The following ARID1B variants were observed in gnomAD, a reference collection of about 807,000 sequenced individuals.
ARID1B encodes the protein AT-rich interactive domain-containing protein 1B.
In ARID1B, 30 loss-of-function variants were observed where a neutral mutation model predicts 212.3. That is an observed-to-expected ratio of 0.14 (90% CI 0.11 to 0.19). ARID1B has a LOEUF of 0.19. Among genes scored for constraint, ARID1B ranks in the 10% least tolerant of loss-of-function variants. The pLI is 1.00. For synonymous variants in ARID1B, 1,402 were observed against 1,301.7 expected, an observed-to-expected ratio of 1.08 and a Z score of -1.66; for missense variants, 2,891 against 3,204.0, an observed-to-expected ratio of 0.90 and a Z score of 2.36.
chr6:156,830,323 A>G (rs1783057470), intron 2 of ARID1B, among the ~76,000 whole-genome samples: 2 of 152,146 alleles, frequency 1.3e-5, no homozygotes, highest in Admixed American at 6.5e-5. Flanking sequence ...GGGGCGTCCC[A>G]TGGTGCGGCC....
chr6:157,005,234 A>G (rs570003960), intron 4 of ARID1B, among the ~76,000 whole-genome samples: 13 of 151,782 alleles, frequency 8.6e-5, no homozygotes, highest in Admixed American at 8.5e-4. Flanking sequence ...GCTCATTGCT[A>G]CCTTCACCTC....
chr6:156,854,631 C>CT (rs1366124295), intron 2 of ARID1B, among the ~76,000 whole-genome samples: 2 of 152,264 alleles, frequency 1.3e-5, no homozygotes, highest in Admixed American at 6.5e-5. Flanking sequence ...TTACAGCCTG[C>CT]TGCTGTAAAC....
At chr6:157,106,830 G>A (rs996819609) in intron 5 of ARID1B, among the ~76,000 whole-genome samples, 2 of 152,124 alleles carry the variant, frequency 1.3e-5, no homozygotes, top group African/African-American at 4.8e-5. Flanking sequence ...AACCAAGTGA[G>A]GAAGAAGATG....
At chr6:157,047,568 G>A (rs1782320354) in intron 4 of ARID1B, among the ~76,000 whole-genome samples, 1 of 152,138 alleles carries the variant, frequency 6.6e-6, no homozygotes, top group African/African-American at 2.4e-5. Flanking sequence ...GTGAGTGGAG[G>A]GACCATAATT....
At chr6:157,112,414 G>C (rs977831091) in intron 6 of ARID1B, among the ~76,000 whole-genome samples, 1 of 152,108 alleles carries the variant, frequency 6.6e-6, no homozygotes, top group African/African-American at 2.4e-5. Flanking sequence ...GGTCACTGTG[G>C]GGAAAAAGGA....
In ARID1B at chr6:156,778,740, G is replaced by T. The variant is rs1288950976; in HGVS notation, c.1060G>T (p.Ala354Ser). 5 of 1,470,190 alleles carry T rather than the reference G, an allele frequency of 3.4e-6. No individual in the cohort carries two copies. Among genetic ancestry groups the T allele is most frequent in the African/African-American group, 2.9e-5 (2 of 68,964 alleles). The allele number at this position is 1,470,190 out of a possible 1,614,324, so 91.1% of individuals were successfully genotyped here. A position where few individuals can be genotyped will look rare whatever the true frequency, so the allele number is the denominator to read the frequency against. Residue 354 changes from alanine to serine, a missense_variant, in exon 1 of 20, where the codon GCC becomes TCC. By Grantham distance (99) the Ala-to-Ser change is moderately conservative. This residue lies in a region of ARID1B where 1,643 missense variants were observed against 1,544.0 expected (regional missense o/e 1.06). Transcript: ENST00000636930. ...PGMGMMHSAS[A>S]AAAGAPGSMD... ...GATGGGGATGATGCACTCCGCCTCC[G>T]CCGCCGCCGCCGGGGCCCCCGGCAG...
intron 3 of ARID1B, among the ~76,000 whole-genome samples, chr6:156,923,926 C>G (rs1437825624): frequency 1.3e-5 from 2 of 152,060 alleles, no homozygotes; most frequent in Non-Finnish European, 2.9e-5. Context: ...TTAAACTGAT[C>G]TCAGGCGATC....
Position 157,206,432 on chromosome 6 carries a change from C to T in ARID1B, c.5660C>T (p.Ala1887Val). The change falls in exon 20 of 20, where the codon GCT (alanine) becomes GTT (valine). Residue 1887 changes from alanine (A) to valine (V), a missense_variant. Physicochemically the swap from Ala to Val is moderately conservative, Grantham distance 64. Around this residue, in one of 7 missense-constraint regions of ARID1B, gnomAD observed 332 missense variants for 369.2 expected, o/e 0.90. Coordinates refer to ENST00000636930, the MANE Select transcript of ARID1B (RefSeq NM_001374828.1). This position sits in a 1 kb window ranked among gnomAD's most constrained non-coding sequence, Gnocchi z 6.8. ...KTESDEKSSIALTAPDAAADP... is the reference protein window; with the variant it reads ...KTESDEKSSIVLTAPDAAADP... ...GAAAGCGATGAAAAGAGCAGCATCG[C>T]TCTGACTGCCCCGGACGCCGCTGCA... is the stretch of plus-strand genomic sequence containing the variant. The T allele has an allele frequency of 6.2e-7, 1 of 1,614,138 alleles. No homozygotes were observed. The highest frequency in any genetic ancestry group is 8.5e-7 in the Non-Finnish European group (1 of 1,180,024).
rs191912929 is a variant in ARID1B, at chr6:157,187,996, C to T, written c.3920-1646C>T. Among the ~76,000 whole-genome samples, 6 of 152,218 alleles carry T rather than the reference C, an allele frequency of 3.9e-5. No homozygotes were observed. In the South Asian group the frequency reaches 6.2e-4, roughly 16 times the overall value. ...ATTACCCTTTTATATCTGCAAAAGA[C>T]GGCTTTCTTCCTTTACTCCAATATA... On this transcript the variant is annotated intron_variant, in intron 13 of 19. Transcript: ENST00000636930.
chr6:157,052,339 TC>T (rs1203392464), intron 4 of ARID1B, among the ~76,000 whole-genome samples: 1 of 152,314 alleles, frequency 6.6e-6, no homozygotes, highest in African/African-American at 2.4e-5. Flanking sequence ...TGGTAATAGA[TC>T]CGTGTGGAAC....
chr6:157,049,903 CTT>C (rs1782479577), intron 4 of ARID1B, among the ~76,000 whole-genome samples: 1 of 152,160 alleles, frequency 6.6e-6, no homozygotes, highest in South Asian at 2.1e-4. Context: ...GGATAAGTGT[CTT>C]TTCTTCAGTC....
At chr6:157,189,302 T>A (rs1455976695) in intron 13 of ARID1B, among the ~76,000 whole-genome samples, 1 of 152,228 alleles carries the variant, frequency 6.6e-6, no homozygotes, top group Non-Finnish European at 1.5e-5. Flanking sequence ...GAATGAACAC[T>A]CTTCTGCCTA....
At chr6:156,976,754 C>T in intron 4 of ARID1B, 1 of 517,154 alleles carries the variant, frequency 1.9e-6, no homozygotes, top group Non-Finnish European at 3.8e-6. Flanking sequence ...AGGTCCGCAG[C>T]TTCATTCATC....
intron 15 of ARID1B, among the ~76,000 whole-genome samples, chr6:157,193,239 TC>T (rs1171701354): frequency 6.6e-6 from 1 of 152,242 alleles, no homozygotes; most frequent in Non-Finnish European, 1.5e-5. Flanking sequence ...GGTGAGTTGT[TC>T]CATAATCTTT....
At chr6:156,915,695 A>G (rs867203084) in intron 3 of ARID1B, among the ~76,000 whole-genome samples, 1 of 152,118 alleles carries the variant, frequency 6.6e-6, no homozygotes, top group African/African-American at 2.4e-5. Flanking sequence ...CAGGCGTTCA[A>G]GACTAGCCTG....
chr6:157,058,524 C>T (rs777120043), intron 4 of ARID1B, among the ~76,000 whole-genome samples: 2 of 152,178 alleles, frequency 1.3e-5, no homozygotes, highest in South Asian at 2.1e-4. Flanking sequence ...CTCGGCATCC[C>T]AAAGTGCTGG....
chr6:156,911,337 A>G (rs183893486), intron 3 of ARID1B, among the ~76,000 whole-genome samples: 50 of 120,044 alleles, frequency 4.2e-4, no homozygotes, highest in Non-Finnish European at 3.9e-4. Flanking sequence ...CTAAATAATT[A>G]GTTTTTTTTT....
chr6:157,150,960 G>A (rs1164572726), intron 8 of ARID1B: 4 of 169,308 alleles, frequency 2.4e-5, no homozygotes, highest in Non-Finnish European at 5.1e-5. Flanking sequence ...CCAAGAAAGC[G>A]AAACACCTAA....
chr6:157,190,214 C>A lies in ARID1B; in HGVS notation c.4231+4C>A. ...CCCTTTGGGGGAATGAGAAAAGGTA[C>A]GTGTAGAGGGGCCTCCACCCGGCCA... is the stretch of plus-strand genomic sequence containing the variant. On this transcript the variant is annotated splice_donor_region_variant and intron_variant, in intron 15 of 19. Coordinates refer to ENST00000636930, the MANE Select transcript of ARID1B (RefSeq NM_001374828.1). The surrounding 1 kb of genome is among the most constrained non-coding windows in gnomAD (Gnocchi z 4.6). 1 of 1,605,782 alleles carries A rather than the reference C, an allele frequency of 6.2e-7. No homozygotes were observed. The highest frequency in any genetic ancestry group is 8.5e-7 in the Non-Finnish European group (1 of 1,177,428).
Sources: allele counts gnomAD v4.1 joint callset (sites outside exome capture counted in the v4.1 genomes callset), GRCh38; gene constraint gnomAD v4.1.1; regional missense constraint gnomAD v4.1.1; non-coding constraint Gnocchi (gnomAD v3.1); transcripts MANE v1.5; gene names NCBI Gene and HGNC (gene_info 2026-07-23, HGNC 2026-07-21).